ZNF521: variants seen among roughly 807,000 people sequenced by gnomAD.
ZNF521 encodes LYST-interacting protein 3.
In ZNF521, 14 loss-of-function variants were observed where a neutral mutation model predicts 105.5. The observed-to-expected ratio is 0.13, with a 90% confidence interval of 0.09 to 0.21. ZNF521 has a LOEUF of 0.21. Among genes scored for constraint, ZNF521 ranks in the 10% least tolerant of loss-of-function variants. ZNF521 has a pLI of 1.00. For synonymous variants in ZNF521, 635 were observed against 606.0 expected (o/e 1.05, Z -0.70); for missense variants, 1,233 against 1,629.7 (o/e 0.76, Z 4.19).
intron 7 of ZNF521, among the ~76,000 whole-genome samples, chr18:25,066,851 C>T (rs2033075110): frequency 6.6e-6 from 1 of 152,202 alleles, no homozygotes; most frequent in African/African-American, 2.4e-5. Context: ...GAGGAAACCA[C>T]TACACTAGAA....
At chr18:25,190,746 C>A (rs377143187) in intron 5 of ZNF521, among the ~76,000 whole-genome samples, 1 of 152,186 alleles carries the variant, frequency 6.6e-6, no homozygotes, top group Non-Finnish European at 1.5e-5. Flanking sequence ...CAAGAACAGA[C>A]TAAAATTTCA....
At chr18:25,153,685 CATTTTAAA>C (rs1256193937) in intron 5 of ZNF521, among the ~76,000 whole-genome samples, 1 of 152,220 alleles carries the variant, frequency 6.6e-6, no homozygotes, top group African/African-American at 2.4e-5. Flanking sequence ...ACATTTGATG[CATTTTAAA>C]AAGGGATTCA....
At chr18:25,330,410 C>T (rs878978336) in intron 2 of ZNF521, among the ~76,000 whole-genome samples, 1 of 151,828 alleles carries the variant, frequency 6.6e-6, no homozygotes, top group Non-Finnish European at 1.5e-5. Context: ...ATGATCCACC[C>T]GCCTCAGCTG....
chr18:25,260,625 T>G (rs981290734), intron 3 of ZNF521, among the ~76,000 whole-genome samples: 3 of 152,212 alleles, frequency 2.0e-5, no homozygotes, highest in African/African-American at 7.2e-5. Context: ...AGTAACAATA[T>G]ACGGTATTAT....
rs116514785 is a variant in ZNF521 at position 25,242,722 on chromosome 18, G to A, written c.221-15025C>T. Among the ~76,000 whole-genome samples, 619 of 152,246 alleles carry A rather than the reference G, an allele frequency of 4.1e-3. 6 individuals are homozygous for A. Among genetic ancestry groups the A allele is most frequent in the African/African-American group, 0.014 (595 of 41,540 alleles). On this transcript the variant is annotated intron_variant, in intron 3 of 7. Transcript: ENST00000361524. Reference sequence around the variant, plus strand: ...TGTTTAGCTATCGAATGTAGTGGGTGATTCTTGTTCTATACTGTGAATACA... The same window carrying A: ...TGTTTAGCTATCGAATGTAGTGGGTAATTCTTGTTCTATACTGTGAATACA...
intron 7 of ZNF521, among the ~76,000 whole-genome samples, chr18:25,065,247 C>T (rs1277349364): frequency 6.6e-6 from 1 of 152,072 alleles, no homozygotes; most frequent in Non-Finnish European, 1.5e-5. Context: ...CGAGCACCTC[C>T]AAATGGGAAA....
chr18:25,098,678 T>G (rs2033903813), intron 5 of ZNF521, among the ~76,000 whole-genome samples: 1 of 152,022 alleles, frequency 6.6e-6, no homozygotes, highest in Admixed American at 6.6e-5. Context: ...GATATTGGAG[T>G]TGCTTTTAAA....
chr18:25,321,459 G>A (rs550373030), intron 3 of ZNF521, among the ~76,000 whole-genome samples: 1 of 152,296 alleles, frequency 6.6e-6, no homozygotes, highest in Non-Finnish European at 1.5e-5. Context: ...TAGATAATGC[G>A]AGAATGAATA....
At chr18:25,215,151 GGAAATAGGAATTCCTATTTCAGAATA>G (rs1217620023) in intron 4 of ZNF521, among the ~76,000 whole-genome samples, 6 of 151,950 alleles carry the variant, frequency 3.9e-5, no homozygotes, top group Non-Finnish European at 8.8e-5. Flanking sequence ...TGAGGTAATA[GGAAATAGGAATTCCTATTTCAGAATA>G]GAAAAGTAGG....
chr18:25,285,330 A>G (rs1377338799), intron 3 of ZNF521, among the ~76,000 whole-genome samples: 1 of 152,190 alleles, frequency 6.6e-6, no homozygotes, highest in Non-Finnish European at 1.5e-5. Flanking sequence ...GGCATTGTAA[A>G]AGGAACCTCG....
At chr18:25,306,024 C>G (rs576719571) in intron 3 of ZNF521, among the ~76,000 whole-genome samples, 1 of 152,206 alleles carries the variant, frequency 6.6e-6, no homozygotes, top group Non-Finnish European at 1.5e-5. Context: ...TAAGGACATA[C>G]AACCAGCTTT....
At chr18:25,169,940 G>C (rs545561311) in intron 5 of ZNF521, among the ~76,000 whole-genome samples, 2 of 151,996 alleles carry the variant, frequency 1.3e-5, no homozygotes, top group Non-Finnish European at 2.9e-5. Flanking sequence ...TTTTTCTGAA[G>C]GAAACTTAAA....
chr18:25,186,407 T>G (rs988807959), intron 5 of ZNF521, among the ~76,000 whole-genome samples: 5 of 152,200 alleles, frequency 3.3e-5, no homozygotes, highest in African/African-American at 4.8e-5. Context: ...TTCATTTGTA[T>G]TATAGAACAC....
chr18:25,352,123 G>T lies in ZNF521; in HGVS notation c.-120C>A. 2.2e-6 allele frequency: 1 copy of T among 457,918 alleles called. No homozygotes were observed. Among genetic ancestry groups the T allele is most frequent in the Admixed American group, 2.1e-5 (1 of 47,246 alleles). The allele number at this position is 457,918 out of a possible 1,614,324, so 28.4% of individuals were successfully genotyped here. On this transcript the variant is annotated 5_prime_UTR_variant, in exon 1 of 8. Coordinates refer to ENST00000361524, the MANE Select transcript of ZNF521 (RefSeq NM_015461.3). Reference sequence around the variant, plus strand: ...GGGGGCCCCTAACCCGCAGGGACTCGCTCTGTACGTAATCACTGAGGAAAT... The same window carrying T: ...GGGGGCCCCTAACCCGCAGGGACTCTCTCTGTACGTAATCACTGAGGAAAT...
chr18:25,335,832 G>A (rs2145190923), intron 2 of ZNF521, among the ~76,000 whole-genome samples: 1 of 152,346 alleles, frequency 6.6e-6, no homozygotes, highest in South Asian at 2.1e-4. Context: ...CACCGGACAA[G>A]TGAATGCCAA....
rs146306255 is a variant in ZNF521, at chr18:25,245,356, C to T, written c.221-17659G>A. On this transcript the variant is annotated intron_variant, in intron 3 of 7. Coordinates refer to ENST00000361524, the MANE Select transcript of ZNF521 (RefSeq NM_015461.3). The stretch of plus-strand genomic sequence containing the variant: ...CCATGCCTGGACACATGCATAGTCT[C>T]CCCTATTATCGACATCCCCCACCAG... 3.8e-4 allele frequency among the ~76,000 whole-genome samples: 58 copies of T among 152,278 alleles called. No homozygotes were observed. The East Asian group carries it at 0.011, about 28-fold the overall frequency.
intron 5 of ZNF521, among the ~76,000 whole-genome samples, chr18:25,138,081 A>G (rs2034770689): frequency 6.6e-6 from 1 of 152,060 alleles, no homozygotes; most frequent in Admixed American, 6.6e-5. Flanking sequence ...ACCAGACACA[A>G]AACAGTACCA....
At chr18:25,128,627 G>A (rs8088769) in intron 5 of ZNF521, among the ~76,000 whole-genome samples, 140,209 of 151,988 alleles carry the variant, frequency 0.92, 65,114 homozygotes, top group Middle Eastern at 0.99. Context: ...ATACAAGGTT[G>A]ATATACAAGT....
In ZNF521 at chr18:25,161,250, C is replaced by T. The variant is rs182421554; in HGVS notation, c.3658+33910G>A. ...CTAAAACACACACATACCACACACA[C>T]GGTGGTTGGGGGAAGTTTTGTTTGG... On this transcript the variant is annotated intron_variant, in intron 5 of 7. Coordinates refer to ENST00000361524, the MANE Select transcript of ZNF521 (RefSeq NM_015461.3). 8.3e-4 allele frequency among the ~76,000 whole-genome samples: 127 copies of T among 152,218 alleles called. 1 individual carries two copies. Among genetic ancestry groups the T allele is most frequent in the Non-Finnish European group, 8.2e-4 (56 of 68,018 alleles).
Sources: gnomAD v4.1 joint callset for allele counts (sites outside exome capture counted in the v4.1 genomes callset) on GRCh38, gnomAD v4.1.1 for gene constraint, MANE v1.5 for transcripts, NCBI Gene and HGNC (gene_info 2026-07-23, HGNC 2026-07-21) for gene names.